Variants in PDZD2 observed in about 807,000 individuals in gnomAD.
PDZD2 encodes the protein PDZ domain containing 2, also known as PDZ domain-containing protein 2.
A neutral mutation model predicts 220.7 loss-of-function variants in PDZD2; 90 were observed. That is an observed-to-expected ratio of 0.41 (90% CI 0.34 to 0.49). PDZD2 has a LOEUF of 0.49. PDZD2 is among the 20% of genes least tolerant of loss of function. PDZD2 has a pLI of 0.28. For synonymous variants in PDZD2, 1,375 were observed against 1,450.5 expected, an observed-to-expected ratio of 0.95 and a Z score of 1.18; for missense variants, 3,174 against 3,608.5, an observed-to-expected ratio of 0.88 and a Z score of 3.08.
rs752780065 is a variant in PDZD2, at chr5:32,057,993, C to A, written c.2090C>A (p.Thr697Asn). The A allele has an allele frequency of 6.2e-7, 1 of 1,612,800 alleles. No homozygotes were observed. The highest frequency in any genetic ancestry group is 2.2e-5 in the East Asian group (1 of 44,856). Residue 697 changes from threonine to asparagine, a missense_variant, in exon 12 of 25, where the codon ACC becomes AAC. Transcript: ENST00000438447. ...AGATCCGCCTCCCCGAACTTCAATACCAGTGGGGGAGCCTCAGCGGGAGGT... is the reference window on the plus strand; with the variant it reads ...AGATCCGCCTCCCCGAACTTCAATAACAGTGGGGGAGCCTCAGCGGGAGGT... ...MSRSASPNFN[T>N]SGGASAGGSD...
chr5:31,686,648 T>C (rs1008081771), intron 1 of PDZD2, among the ~76,000 whole-genome samples: 1 of 152,222 alleles, frequency 6.6e-6, no homozygotes, highest in African/African-American at 2.4e-5. Context: ...ATTACAGGCG[T>C]GAGCCACCGT....
chr5:31,944,614 C>T (rs1746475154), intron 2 of PDZD2, among the ~76,000 whole-genome samples: 1 of 152,244 alleles, frequency 6.6e-6, no homozygotes. Context: ...CAGACTTCGC[C>T]TGCTTCCAAG....
intron 6 of PDZD2, chr5:32,010,748 C>T (rs2112082733): frequency 1.1e-5 from 5 of 461,996 alleles, no homozygotes; most frequent in South Asian, 5.0e-5. Flanking sequence ...GTAATGCCAG[C>T]ACTTTTGGAG....
chr5:31,897,316 G>A (rs73751251), intron 2 of PDZD2, among the ~76,000 whole-genome samples: 13,092 of 152,160 alleles, frequency 0.086, 602 homozygotes, highest in Middle Eastern at 0.15. Context: ...TGAAAATTGT[G>A]TTCTGCTCCT....
chr5:31,814,266 A>T (rs914533190), intron 2 of PDZD2, among the ~76,000 whole-genome samples: 2 of 152,252 alleles, frequency 1.3e-5, no homozygotes, highest in African/African-American at 4.8e-5. Context: ...TTTACAAATT[A>T]TATGTTGATG....
chr5:31,832,304 CAGCCTGGTGTGATGAAAAA>C (rs1756651294), intron 2 of PDZD2: 1 of 151,924 alleles, frequency 6.6e-6, no homozygotes, highest in Non-Finnish European at 1.5e-5. Flanking sequence ...TGTAAAGTTT[CAGCCTGGTGTGATGAAAAA>C]GCCCTGGAGA....
chr5:31,932,592 T>C (rs937760775), intron 2 of PDZD2, among the ~76,000 whole-genome samples: 1 of 151,954 alleles, frequency 6.6e-6, no homozygotes, highest in Non-Finnish European at 1.5e-5. Context: ...AAATCCAGGC[T>C]CCATTGACTT....
chr5:31,639,324 G>C lies in PDZD2; in HGVS notation c.-474G>C, dbSNP rs1580501398. 1 of 149,892 alleles carries C rather than the reference G, an allele frequency of 6.7e-6. No homozygotes were observed. Among genetic ancestry groups the C allele is most frequent in the East Asian group, 1.9e-4 (1 of 5,138 alleles). 9.3% of individuals were successfully genotyped at this position (149,892 alleles called of 1,614,324 possible). On this transcript the variant is annotated 5_prime_UTR_variant, in exon 1 of 25. Transcript: ENST00000438447. This position sits in a 1 kb window ranked among gnomAD's most constrained non-coding sequence, Gnocchi z 4.1. ...CGGCTCTGCAGCTCGGGGCAGGCGC[G>C]GCGGCGGCACCGGTGGTGGCCGCGG... is the stretch of plus-strand genomic sequence containing the variant.
intron 14 of PDZD2, among the ~76,000 whole-genome samples, chr5:32,067,013 G>A (rs973895981): frequency 4.6e-5 from 7 of 152,166 alleles, no homozygotes; most frequent in Admixed American, 1.3e-4. Flanking sequence ...ACCTCATGCT[G>A]TATTTTTCTT....
chr5:31,881,328 G>A (rs77007824), intron 2 of PDZD2, among the ~76,000 whole-genome samples: 90 of 18,724 alleles, frequency 4.8e-3, no homozygotes, highest in African/African-American at 0.019. Context: ...CCATATATAT[G>A]TGTGTGTGTG....
intron 1 of PDZD2, among the ~76,000 whole-genome samples, chr5:31,778,750 C>T (rs1435790916): frequency 1.3e-5 from 2 of 152,144 alleles, no homozygotes; most frequent in Non-Finnish European, 2.9e-5. Context: ...TCCGGACACA[C>T]TGGGATTACA....
At chr5:31,790,767 C>T (rs891186728) in intron 1 of PDZD2, among the ~76,000 whole-genome samples, 2 of 138,996 alleles carry the variant, frequency 1.4e-5, no homozygotes, top group African/African-American at 5.3e-5. Flanking sequence ...GGCACGATCT[C>T]GGCTCACTGC....
chr5:32,003,530 A>G (rs938194491), intron 5 of PDZD2, among the ~76,000 whole-genome samples: 3 of 139,836 alleles, frequency 2.1e-5, no homozygotes, highest in Non-Finnish European at 3.1e-5. Context: ...ACACACACGC[A>G]CACACACACA....
chr5:31,878,648 C>G (rs1331094515), intron 2 of PDZD2, among the ~76,000 whole-genome samples: 1 of 144,868 alleles, frequency 6.9e-6, no homozygotes, highest in Non-Finnish European at 1.5e-5. Context: ...CAGGCTCCGC[C>G]CCCCGGGGTT....
intron 1 of PDZD2, among the ~76,000 whole-genome samples, chr5:31,664,214 GCTGGTCTTGAACTC>G (rs1745890667): frequency 6.6e-6 from 1 of 151,958 alleles, no homozygotes. Flanking sequence ...TGTTGCCTAG[GCTGGTCTTGAACTC>G]CTGGTCTCAA....
At chr5:32,077,355 C>G in intron 18 of PDZD2, 107 bp from the exon 19 acceptor site, 1 of 1,082,438 alleles carries the variant, frequency 9.2e-7, no homozygotes, top group Non-Finnish European at 1.4e-6. Context: ...AGTCCAGGGC[C>G]CCTTTGCCTT....
chr5:31,980,746 C>T (rs1362692303), intron 2 of PDZD2, among the ~76,000 whole-genome samples: 1 of 151,856 alleles, frequency 6.6e-6, no homozygotes, highest in Non-Finnish European at 1.5e-5. Flanking sequence ...TGCTGAGAGA[C>T]AGGTTCAATT....
At chr5:31,667,414 A>G (rs1345613734) in intron 1 of PDZD2, among the ~76,000 whole-genome samples, 1 of 151,776 alleles carries the variant, frequency 6.6e-6, no homozygotes, top group African/African-American at 2.4e-5. Context: ...GTGCAATAAA[A>G]CTTCAGGTGG....
At chr5:32,001,983 C>T (rs1429762578) in intron 5 of PDZD2, among the ~76,000 whole-genome samples, 1 of 152,184 alleles carries the variant, frequency 6.6e-6, no homozygotes, top group Non-Finnish European at 1.5e-5. Flanking sequence ...CAGCATGACG[C>T]TCTTGCTAAT....
Sources: allele counts gnomAD v4.1 joint callset (sites outside exome capture counted in the v4.1 genomes callset), GRCh38; gene constraint gnomAD v4.1.1; non-coding constraint Gnocchi (gnomAD v3.1); transcripts MANE v1.5; gene names NCBI Gene and HGNC (gene_info 2026-07-23, HGNC 2026-07-21).